The following RAP1GDS1 variants were observed in gnomAD, a reference collection of about 807,000 sequenced individuals.
RAP1GDS1 encodes the protein Rap1 GTPase-GDP dissociation stimulator 1.
RAP1GDS1 carries 35 observed loss-of-function variants against 71.1 expected under a neutral mutation model. That is an observed-to-expected ratio of 0.49 (90% CI 0.38 to 0.65). RAP1GDS1 has a LOEUF of 0.65. Among genes scored for constraint, RAP1GDS1 ranks in the 30% least tolerant of loss-of-function variants. RAP1GDS1 has a pLI of 0.00. For missense variants in RAP1GDS1, 663 were observed against 706.1 expected (o/e 0.94, Z 0.69); for synonymous variants, 229 against 243.1 (o/e 0.94, Z 0.54).
chr4:98,428,192 A>T (rs1187265364), intron 12 of RAP1GDS1, among the ~76,000 whole-genome samples: 2 of 152,202 alleles, frequency 1.3e-5, no homozygotes, highest in African/African-American at 4.8e-5. Context: ...ATACAAAAAA[A>T]AAATCAACTT....
intron 2 of RAP1GDS1, among the ~76,000 whole-genome samples, chr4:98,340,224 C>T (rs1039408432): frequency 6.6e-6 from 1 of 152,172 alleles, no homozygotes; most frequent in Non-Finnish European, 1.5e-5. Context: ...AAGACACACA[C>T]ATCGCAGCAC....
intron 2 of RAP1GDS1, among the ~76,000 whole-genome samples, chr4:98,317,271 T>G (rs1731072939): frequency 6.6e-6 from 1 of 152,130 alleles, no homozygotes; most frequent in African/African-American, 2.4e-5. Flanking sequence ...ATTTCAGCAT[T>G]TGTCGTAGGT....
rs1186055638 is a variant in RAP1GDS1 at position 98,261,452 on chromosome 4, C to T, written c.-114C>T. On this transcript the variant is annotated 5_prime_UTR_variant, in exon 1 of 15. Coordinates refer to ENST00000408927, the MANE Select transcript of RAP1GDS1 (RefSeq NM_001100427.2). ...GCTCCTCCCCGGCGGCCGCCCCCCG[C>T]GGGTCCCTCCCTGGCTGCGGGAGAG... The T allele has an allele frequency of 7.0e-6, 8 of 1,136,426 alleles. No individual in the cohort carries two copies. The highest frequency in any genetic ancestry group is 3.3e-5 in the East Asian group (1 of 30,474). 70.4% of individuals were successfully genotyped at this position (1,136,426 alleles called of 1,614,324 possible).
At chr4:98,277,249 C>G (rs1724354996) in intron 1 of RAP1GDS1, among the ~76,000 whole-genome samples, 1 of 152,182 alleles carries the variant, frequency 6.6e-6, no homozygotes, top group African/African-American at 2.4e-5. Flanking sequence ...TCACCTCATT[C>G]CTGTAGTACT....
At chr4:98,422,691 A>G (rs1749058839) in intron 12 of RAP1GDS1, among the ~76,000 whole-genome samples, 1 of 152,250 alleles carries the variant, frequency 6.6e-6, no homozygotes, top group African/African-American at 2.4e-5. Context: ...CTGTTCTTGT[A>G]TAAATCTCTT....
intron 3 of RAP1GDS1, among the ~76,000 whole-genome samples, chr4:98,346,736 G>A (rs1396328759): frequency 1.3e-5 from 2 of 152,008 alleles, no homozygotes; most frequent in African/African-American, 4.8e-5. Flanking sequence ...AGTAGAGACG[G>A]GGTTTCACCA....
intron 1 of RAP1GDS1, 30 bp downstream of exon 1, chr4:98,261,599 C>A (rs1460021519): frequency 6.3e-7 from 1 of 1,596,416 alleles, no homozygotes; most frequent in Admixed American, 1.7e-5. Flanking sequence ...CCGTCATCGC[C>A]TGACATTTTT....
intron 2 of RAP1GDS1, among the ~76,000 whole-genome samples, chr4:98,333,375 A>G (rs1013182583): frequency 6.6e-6 from 1 of 152,032 alleles, no homozygotes; most frequent in Admixed American, 6.5e-5. Context: ...TGAACTGTTC[A>G]TTGTATATCA....
chr4:98,405,990 G>A (rs1746056985), intron 7 of RAP1GDS1, among the ~76,000 whole-genome samples: 1 of 152,038 alleles, frequency 6.6e-6, no homozygotes, highest in Non-Finnish European at 1.5e-5. Context: ...TAAGACACTT[G>A]TGTTATCTGG....
At chr4:98,410,638 A>C (rs570730314) in intron 7 of RAP1GDS1, among the ~76,000 whole-genome samples, 2 of 152,198 alleles carry the variant, frequency 1.3e-5, no homozygotes, top group Non-Finnish European at 2.9e-5. Context: ...AAATCATAGG[A>C]TATTAATATA....
intron 2 of RAP1GDS1, 96 bp downstream of exon 2, chr4:98,293,611 C>A: frequency 1.2e-6 from 1 of 833,306 alleles, no homozygotes; most frequent in Non-Finnish European, 1.9e-6. Flanking sequence ...ACTTTGTATT[C>A]ATATAACTTG....
intron 2 of RAP1GDS1, among the ~76,000 whole-genome samples, chr4:98,336,529 T>G (rs774678794): frequency 4.6e-5 from 7 of 152,178 alleles, no homozygotes; most frequent in Non-Finnish European, 7.3e-5. Context: ...CAACTTAGTT[T>G]TTTAGTGAGA....
At chr4:98,358,032 T>C (rs1578572575) in intron 4 of RAP1GDS1, among the ~76,000 whole-genome samples, 1 of 152,060 alleles carries the variant, frequency 6.6e-6, no homozygotes, top group East Asian at 1.9e-4. Flanking sequence ...AGGGATAATG[T>C]GCTTAACTGT....
At chr4:98,389,300 TG>T (rs1743245607) in intron 5 of RAP1GDS1, among the ~76,000 whole-genome samples, 1 of 143,098 alleles carries the variant, frequency 7.0e-6, no homozygotes, top group Admixed American at 6.9e-5. Flanking sequence ...TGTAAAAGTG[TG>T]TTTTTTTTTT....
intron 5 of RAP1GDS1, among the ~76,000 whole-genome samples, chr4:98,380,174 G>GT (rs1473995943): frequency 6.6e-6 from 1 of 151,514 alleles, no homozygotes; most frequent in Non-Finnish European, 1.5e-5. Context: ...GGGGACTGTG[G>GT]TAAGTTGAAG....
In RAP1GDS1 at chr4:98,402,502, T is replaced by TAAGAGCTAAAGC. The variant is rs551627897; in HGVS notation, c.638-1974_638-1963dup. Among the ~76,000 whole-genome samples, 433 of 152,286 alleles carry TAAGAGCTAAAGC rather than the reference T, an allele frequency of 2.8e-3. 1 individual carries two copies. Among genetic ancestry groups the TAAGAGCTAAAGC allele is most frequent in the African/African-American group, 0.01 (420 of 41,568 alleles). ...TTTTTTTCCCCCTTGGCATGTGAAG[T>TAAGAGCTAAAGC]AAGAGCTAAAGCCGTAGTTTTTTGT... On this transcript the variant is annotated intron_variant, in intron 6 of 14. Transcript: ENST00000408927.
intron 6 of RAP1GDS1, among the ~76,000 whole-genome samples, chr4:98,402,197 G>A (rs1327698756): frequency 6.6e-6 from 1 of 152,104 alleles, no homozygotes; most frequent in African/African-American, 2.4e-5. Context: ...TCAGCCTCCT[G>A]AGTAGCTGGG....
intron 3 of RAP1GDS1, among the ~76,000 whole-genome samples, chr4:98,345,757 CA>C (rs1399958434): frequency 4.6e-5 from 7 of 152,158 alleles, no homozygotes; most frequent in African/African-American, 1.7e-4. Flanking sequence ...TCTTACCTGT[CA>C]TCACACTTAA....
chr4:98,290,185 T>C (rs1191766786), intron 1 of RAP1GDS1, among the ~76,000 whole-genome samples: 2 of 152,110 alleles, frequency 1.3e-5, no homozygotes, highest in Admixed American at 6.6e-5. Context: ...TAGAATTGAT[T>C]AACATTTAAA....
Sources: gnomAD v4.1 joint callset for allele counts (sites outside exome capture counted in the v4.1 genomes callset) on GRCh38, gnomAD v4.1.1 for gene constraint, MANE v1.5 for transcripts, NCBI Gene and HGNC (gene_info 2026-07-23, HGNC 2026-07-21) for gene names.